Variants in FBXL5 observed in about 807,000 individuals in gnomAD.
The protein encoded by FBXL5 is F-box/LRR-repeat protein 5.
In FBXL5, 26 loss-of-function variants were observed where a neutral mutation model predicts 78.3. That is an observed-to-expected ratio of 0.33 (90% CI 0.24 to 0.46). The LOEUF (loss-of-function observed/expected upper bound fraction) is 0.46. FBXL5 is among the 20% of genes least tolerant of loss of function. FBXL5 has a pLI of 1.00. For synonymous variants in FBXL5, 295 were observed against 282.5 expected (o/e 1.04, Z -0.45); for missense variants, 710 against 829.2 (o/e 0.86, Z 1.77).
At position 15,630,859 on chromosome 4, in the gene FBXL5, A is replaced by C. The variant is rs969626205; in HGVS notation, c.767-68T>G. On this transcript the variant is annotated intron_variant, in intron 5 of 10. Coordinates refer to ENST00000341285, the MANE Select transcript of FBXL5 (RefSeq NM_012161.4). ...GATTGCCTGCAATTATGAAAAACTA[A>C]GCTATTTACGATAAAAATCTCTACA... is the stretch of plus-strand genomic sequence containing the variant. 7.6e-6 allele frequency: 12 copies of C among 1,572,948 alleles called. No individual in the cohort carries two copies. In the Admixed American group the frequency reaches 1.1e-4, roughly 14 times the overall value.
intron 10 of FBXL5, among the ~76,000 whole-genome samples, chr4:15,608,571 A>G (rs541759037): frequency 1.2e-4 from 18 of 151,458 alleles, no homozygotes; most frequent in African/African-American, 4.4e-4. Flanking sequence ...GTGTCTACTC[A>G]GTGAGTAGAC....
chr4:15,681,220 C>T (rs1035107283), intron 1 of FBXL5: 1 of 152,194 alleles, frequency 6.6e-6, no homozygotes, highest in South Asian at 2.1e-4. Flanking sequence ...TAAGTAAACA[C>T]GTGCAATGAT....
At chr4:15,616,827 C>T (rs1003589547) in intron 9 of FBXL5, among the ~76,000 whole-genome samples, 7 of 152,220 alleles carry the variant, frequency 4.6e-5, no homozygotes, top group Non-Finnish European at 1.0e-4. Flanking sequence ...TCTAGACCTT[C>T]AGGTTCCCCA....
chr4:15,668,957 A>G (rs1717653544), intron 1 of FBXL5, among the ~76,000 whole-genome samples: 1 of 152,254 alleles, frequency 6.6e-6, no homozygotes, highest in Non-Finnish European at 1.5e-5. Context: ...TGGAAGCAAT[A>G]GTTACTATAA....
rs563599076 is a variant in FBXL5, at chr4:15,671,373, C to T, written c.-284+10010G>A. Among the ~76,000 whole-genome samples, 26 of 152,094 alleles carry T rather than the reference C, an allele frequency of 1.7e-4. No homozygotes were observed. In the East Asian group the frequency reaches 4.3e-3, roughly 25 times the overall value. On this transcript the variant is annotated intron_variant, in intron 1 of 4. Transcript: ENST00000507899. ...GTCACTTGAAAACAGTACCTTTTTG[C>T]CCCTAGTCCATTTAAGATTTTATCT...
In FBXL5 at chr4:15,670,003, T is replaced by G. The variant is rs369986871; in HGVS notation, c.-283-10081A>C. ...ATTATTATAGAAATTTTGAAAGAAA[T>G]AAAATTAGAGCTACTGTATTGTTAT... is the stretch of plus-strand genomic sequence containing the variant. On this transcript the variant is annotated intron_variant, in intron 1 of 4. Transcript: ENST00000507899. Among the ~76,000 whole-genome samples, 5 of 152,166 alleles carry G rather than the reference T, an allele frequency of 3.3e-5. No individual in the cohort carries two copies. In the East Asian group the frequency reaches 5.8e-4, roughly 18 times the overall value.
At chr4:15,659,272 A>C (rs1717190035), upstream of FBXL5, among the ~76,000 whole-genome samples, 1 of 152,248 alleles carries the variant, frequency 6.6e-6, no homozygotes, top group Non-Finnish European at 1.5e-5. Context: ...TGAGAATTTG[A>C]AAAGTTTTTA....
chr4:15,639,797 C>T (rs1315922305), intron 3 of FBXL5, among the ~76,000 whole-genome samples: 1 of 152,140 alleles, frequency 6.6e-6, no homozygotes, highest in African/African-American at 2.4e-5. Flanking sequence ...TCTTAAAATA[C>T]TATCGGGGTT....
intron 1 of FBXL5, among the ~76,000 whole-genome samples, chr4:15,675,612 G>C (rs1008325238): frequency 3.6e-5 from 3 of 83,662 alleles, no homozygotes; most frequent in Admixed American, 1.8e-4. Context: ...GCAGAGTTTT[G>C]CTCTTGCTGC....
Position 15,605,058 on chromosome 4 carries a change from T to C in FBXL5, c.*665A>G, listed in dbSNP as rs1234448621. Reference sequence around the variant, plus strand: ...TTTATTTATACATTTCTTCAAATGATTGTGGTATTTTAAAAAATCTCTCCC... The same window carrying C: ...TTTATTTATACATTTCTTCAAATGACTGTGGTATTTTAAAAAATCTCTCCC... On this transcript the variant is annotated 3_prime_UTR_variant, in exon 11 of 11. Transcript: ENST00000341285. 2 of 152,636 alleles carry C rather than the reference T, an allele frequency of 1.3e-5. No individual in the cohort carries two copies. Among genetic ancestry groups the C allele is most frequent in the Non-Finnish European group, 2.9e-5 (2 of 68,030 alleles). The allele number at this position is 152,636 out of a possible 1,614,324, so 9.5% of individuals were successfully genotyped here. A position where few individuals can be genotyped will look rare whatever the true frequency, so the allele number is the denominator to read the frequency against.
intron 1 of FBXL5, among the ~76,000 whole-genome samples, chr4:15,671,445 G>C (rs559932664): frequency 6.6e-6 from 1 of 151,722 alleles, no homozygotes; most frequent in Non-Finnish European, 1.5e-5. Context: ...TCTGGTTTGG[G>C]TTTTTGTTTA....
chr4:15,645,066 C>T (rs1277680036), intron 1 of FBXL5, among the ~76,000 whole-genome samples: 1 of 151,832 alleles, frequency 6.6e-6, no homozygotes, highest in African/African-American at 2.4e-5. Flanking sequence ...AAGAGGGAAA[C>T]TTGATTAGGT....
At chr4:15,638,267 T>G (rs1195975492) in intron 4 of FBXL5, among the ~76,000 whole-genome samples, 3 of 152,174 alleles carry the variant, frequency 2.0e-5, no homozygotes, top group Non-Finnish European at 4.4e-5. Flanking sequence ...ATATATAAAT[T>G]TATTCAAGAA....
At chr4:15,655,085 A>C in intron 1 of FBXL5, 119 bp downstream of exon 1, 1 of 717,748 alleles carries the variant, frequency 1.4e-6, no homozygotes, top group Non-Finnish European at 1.8e-6. Context: ...GCAGGCGGCT[A>C]CTCGCGCGGC....
intron 1 of FBXL5, among the ~76,000 whole-genome samples, chr4:15,647,222 C>CAAAAAAAAAAA (rs112736448): frequency 6.9e-4 from 25 of 36,426 alleles, no homozygotes; most frequent in East Asian, 1.9e-3. Flanking sequence ...GACTCCATCT[C>CAAAAAAAAAAA]AAAAAAAAAA....
chr4:15,648,880 A>C (rs1253422714), intron 1 of FBXL5, among the ~76,000 whole-genome samples: 3 of 152,192 alleles, frequency 2.0e-5, no homozygotes, highest in Non-Finnish European at 4.4e-5. Flanking sequence ...TCCCACACAA[A>C]GGGTAATCGT....
At chr4:15,620,792 G>T (rs1038163509) in intron 9 of FBXL5, among the ~76,000 whole-genome samples, 1 of 152,254 alleles carries the variant, frequency 6.6e-6, no homozygotes, top group Non-Finnish European at 1.5e-5. Context: ...GGCCCGCCCA[G>T]GGCGGAAAAC....
At chr4:15,628,573 A>G (rs1048009853) in intron 6 of FBXL5, among the ~76,000 whole-genome samples, 2 of 152,196 alleles carry the variant, frequency 1.3e-5, no homozygotes, top group East Asian at 1.9e-4. Context: ...TACCTTTCTC[A>G]GGATCCTATT....
At chr4:15,610,422 C>G (rs538166377) in intron 10 of FBXL5, among the ~76,000 whole-genome samples, 2 of 152,184 alleles carry the variant, frequency 1.3e-5, no homozygotes, top group African/African-American at 4.8e-5. Context: ...ATTATACAAG[C>G]ACTGAAATTT....
Sources: gnomAD v4.1 joint callset for allele counts (sites outside exome capture counted in the v4.1 genomes callset) on GRCh38, gnomAD v4.1.1 for gene constraint, MANE v1.5 for transcripts, NCBI Gene and HGNC (gene_info 2026-07-23, HGNC 2026-07-21) for gene names.